LRRC4C: variants seen among roughly 807,000 people sequenced by gnomAD.
LRRC4C encodes leucine-rich repeat-containing protein 4C.
A neutral mutation model predicts 33.6 loss-of-function variants in LRRC4C; 5 were observed. The ratio of observed to expected loss-of-function variants is 0.15; its 90% confidence interval spans 0.08 to 0.31. LRRC4C has a LOEUF of 0.31. Among genes scored for constraint, LRRC4C ranks in the 10% least tolerant of loss-of-function variants. The pLI is 1.00. For synonymous variants in LRRC4C, 329 were observed against 302.0 expected, an observed-to-expected ratio of 1.09 and a Z score of -0.93; for missense variants, 560 against 796.7, an observed-to-expected ratio of 0.70 and a Z score of 3.58.
chr11:40,218,532 T>C (rs1326851873), intron 5 of LRRC4C, among the ~76,000 whole-genome samples: 1 of 152,092 alleles, frequency 6.6e-6, no homozygotes, highest in Non-Finnish European at 1.5e-5. Context: ...TCAGAGGAAC[T>C]AAGAGACCCA....
At chr11:41,161,689 C>A (rs1944479093) in intron 1 of LRRC4C, among the ~76,000 whole-genome samples, 1 of 152,166 alleles carries the variant, frequency 6.6e-6, no homozygotes, top group East Asian at 1.9e-4. Context: ...GCCAAAAACT[C>A]TTGTTTTATG....
At chr11:40,549,863 AT>A (rs1957068712) in intron 3 of LRRC4C, among the ~76,000 whole-genome samples, 1 of 152,134 alleles carries the variant, frequency 6.6e-6, no homozygotes, top group Admixed American at 6.6e-5. Context: ...GCTATAATTC[AT>A]TAGGTGACAC....
chr11:40,955,511 T>C (rs1452865229), intron 1 of LRRC4C, among the ~76,000 whole-genome samples: 1 of 151,820 alleles, frequency 6.6e-6, no homozygotes, highest in East Asian at 1.9e-4. Context: ...ATATACCTTT[T>C]CTTAATTATA....
At chr11:41,165,686 C>T (rs1032141098) in intron 1 of LRRC4C, among the ~76,000 whole-genome samples, 2 of 152,030 alleles carry the variant, frequency 1.3e-5, no homozygotes, top group Non-Finnish European at 2.9e-5. Context: ...TTTAACCCAG[C>T]ACAATTCAGC....
chr11:40,512,184 A>G lies in LRRC4C; in HGVS notation c.-270+135958T>C, dbSNP rs551083702. Among the ~76,000 whole-genome samples the G allele has an allele frequency of 2.0e-5, 3 of 152,254 alleles. No individual in the cohort carries two copies. The South Asian group carries it at 6.2e-4, about 32-fold the overall frequency. On this transcript the variant is annotated intron_variant, in intron 3 of 6. Coordinates refer to ENST00000528697, the MANE Select transcript of LRRC4C (RefSeq NM_001258419.2). The stretch of plus-strand genomic sequence containing the variant: ...TCTTATTTTTCAGTTATCTATCGGT[A>G]TGTAACAAGCAACCACACTTAGCCA...
At chr11:41,332,435 G>A (rs528181530) in intron 1 of LRRC4C, among the ~76,000 whole-genome samples, 1 of 152,162 alleles carries the variant, frequency 6.6e-6, no homozygotes, top group South Asian at 2.1e-4. Context: ...GAAGCTCTAG[G>A]TAAGCATGCC....
At chr11:40,382,975 G>A (rs571809584) in intron 3 of LRRC4C, among the ~76,000 whole-genome samples, 468 of 152,182 alleles carry the variant, frequency 3.1e-3, no homozygotes, top group Middle Eastern at 6.8e-3. Context: ...TTACAGGCGT[G>A]AGCCACCGCT....
Position 40,681,191 on chromosome 11 carries a change from C to T in LRRC4C, c.-406-32913G>A, listed in dbSNP as rs150231073. ...TTTAATAGCCAATAGAGCATGGGCA[C>T]TGATGAACCAAAATAGACACTGGTC... is the stretch of plus-strand genomic sequence containing the variant. On this transcript the variant is annotated intron_variant, in intron 2 of 6. Coordinates refer to ENST00000528697, the MANE Select transcript of LRRC4C (RefSeq NM_001258419.2). Among the ~76,000 whole-genome samples, 1,435 of 152,262 alleles carry T rather than the reference C, an allele frequency of 9.4e-3. 17 individuals are homozygous for T. Among genetic ancestry groups the T allele is most frequent in the Non-Finnish European group, 0.014 (958 of 68,012 alleles).
intron 1 of LRRC4C, among the ~76,000 whole-genome samples, chr11:41,218,898 G>C (rs775419876): frequency 6.6e-6 from 1 of 150,720 alleles, no homozygotes; most frequent in African/African-American, 2.4e-5. Flanking sequence ...CTCCAGAGTA[G>C]CTGGGACTAC....
At chr11:40,641,694 T>G (rs2136091307) in intron 3 of LRRC4C, among the ~76,000 whole-genome samples, 1 of 152,322 alleles carries the variant, frequency 6.6e-6, no homozygotes, top group East Asian at 1.9e-4. Flanking sequence ...CATGGCTTAC[T>G]TTTGCTTCAT....
intron 3 of LRRC4C, among the ~76,000 whole-genome samples, chr11:40,488,673 C>A (rs532356229): frequency 1.3e-5 from 2 of 152,144 alleles, no homozygotes; most frequent in African/African-American, 2.4e-5. Flanking sequence ...TGGATTCTTA[C>A]GTGACTAAAT....
At chr11:40,463,305 GGT>G (rs33911904) in intron 3 of LRRC4C, among the ~76,000 whole-genome samples, 60,724 of 144,314 alleles carry the variant, frequency 0.42, 13,108 homozygotes, top group Non-Finnish European at 0.5. Context: ...ATGTGTTACT[GGT>G]GTGTGTGTGT....
intron 2 of LRRC4C, among the ~76,000 whole-genome samples, chr11:40,887,071 A>G (rs1955502934): frequency 6.6e-6 from 1 of 151,522 alleles, no homozygotes; most frequent in Non-Finnish European, 1.5e-5. Context: ...CCAAGTCTTT[A>G]CTTAGAATAC....
chr11:40,649,476 T>A (rs1460140133), intron 2 of LRRC4C, among the ~76,000 whole-genome samples: 2 of 152,130 alleles, frequency 1.3e-5, no homozygotes, highest in Admixed American at 6.6e-5. Flanking sequence ...GACCATATGG[T>A]TGTCTCCCCT....
chr11:41,130,799 G>A (rs1040519234), intron 1 of LRRC4C, among the ~76,000 whole-genome samples: 3 of 151,832 alleles, frequency 2.0e-5, no homozygotes, highest in Non-Finnish European at 4.4e-5. Flanking sequence ...CAATTTATGT[G>A]TATAATACTT....
At chr11:40,606,459 A>G (rs547052478) in intron 3 of LRRC4C, among the ~76,000 whole-genome samples, 44 of 152,256 alleles carry the variant, frequency 2.9e-4, no homozygotes, top group Non-Finnish European at 5.7e-4. Flanking sequence ...TATAAACACT[A>G]GGAGAGATTT....
intron 1 of LRRC4C, among the ~76,000 whole-genome samples, chr11:41,137,341 T>C (rs181445669): frequency 9.9e-5 from 15 of 152,228 alleles, no homozygotes; most frequent in Admixed American, 2.0e-4. Flanking sequence ...AAAGATTCTA[T>C]ACCCAGGATG....
At chr11:40,312,143 A>T (rs1344009099) in intron 4 of LRRC4C, among the ~76,000 whole-genome samples, 1 of 151,854 alleles carries the variant, frequency 6.6e-6, no homozygotes, top group Non-Finnish European at 1.5e-5. Context: ...GTTGATACAT[A>T]AAAAAAAGTT....
At chr11:40,473,942 G>T (rs867786506) in intron 3 of LRRC4C, among the ~76,000 whole-genome samples, 1 of 152,254 alleles carries the variant, frequency 6.6e-6, no homozygotes, top group Middle Eastern at 3.4e-3. Flanking sequence ...ACTGCTCACA[G>T]AAATAAGAGA....
Sources: allele counts gnomAD v4.1 joint callset (sites outside exome capture counted in the v4.1 genomes callset), GRCh38; gene constraint gnomAD v4.1.1; transcripts MANE v1.5; gene names NCBI Gene and HGNC (gene_info 2026-07-23, HGNC 2026-07-21).